SHCBP1L: variants seen among roughly 807,000 people sequenced by gnomAD.
SHCBP1L encodes SHC binding and spindle associated 1 like, also known as testicular spindle-associated protein SHCBP1L.
A neutral mutation model predicts 62.5 loss-of-function variants in SHCBP1L; 67 were observed. The observed-to-expected ratio is 1.07, with a 90% confidence interval of 0.88 to 1.31. SHCBP1L has a LOEUF of 1.31. Ranked by LOEUF, SHCBP1L falls within the 40% of genes most tolerant of loss-of-function variation. The pLI is 0.00. For synonymous variants in SHCBP1L, 284 were observed against 289.4 expected (o/e 0.98, Z 0.19); for missense variants, 823 against 809.8 (o/e 1.02, Z -0.20).
intron 2 of SHCBP1L, among the ~76,000 whole-genome samples, chr1:182,945,321 A>G (rs1385988303): frequency 6.6e-6 from 1 of 152,170 alleles, no homozygotes; most frequent in Non-Finnish European, 1.5e-5. Context: ...TTAAGTTGTA[A>G]AAATCTCCTT....
intron 6 of SHCBP1L, among the ~76,000 whole-genome samples, chr1:182,920,120 C>G (rs903589224): frequency 5.3e-5 from 8 of 152,226 alleles, no homozygotes; most frequent in Non-Finnish European, 1.0e-4. Flanking sequence ...TGCAGGAGCA[C>G]AGACCTGCTG....
chr1:182,934,596 G>T (rs1558000928), intron 5 of SHCBP1L, among the ~76,000 whole-genome samples: 1 of 152,032 alleles, frequency 6.6e-6, no homozygotes, highest in Non-Finnish European at 1.5e-5. Context: ...TATCAGATAT[G>T]CATTATGCAA....
Position 182,929,673 on chromosome 1 carries a change from C to T in SHCBP1L, c.1156G>A (p.Val386Ile). 6.3e-7 allele frequency: 1 copy of T among 1,575,674 alleles called. No homozygotes were observed. The highest frequency in any genetic ancestry group is 1.4e-5 in the African/African-American group (1 of 72,286). The change falls in exon 6 of 10, where the codon GTA becomes ATA. Residue 386 changes from valine to isoleucine, a missense_variant. Val to Ile is a conservative substitution (Grantham distance 29, BLOSUM62 3). Coordinates refer to ENST00000367547, the MANE Select transcript of SHCBP1L (RefSeq NM_030933.4). ...ATTTCAGTAGTCATCATTTTTGCTA[C>T]AATATGTGTTATAGTCTTTCCAAAT... ...REFGKTITHI[V>I]AKMMTTEMIK...
At position 182,939,311 on chromosome 1, in the gene SHCBP1L, C is replaced by A. The variant is rs200451412; in HGVS notation, c.941G>T (p.Arg314Leu). The A allele has an allele frequency of 6.2e-7, 1 of 1,613,772 alleles. No homozygotes were observed. Among genetic ancestry groups the A allele is most frequent in the African/African-American group, 1.3e-5 (1 of 74,896 alleles). The change falls in exon 5 of 10, where the codon CGT (arginine) becomes CTT (leucine). Residue 314 changes from arginine (R) to leucine (L), a missense_variant. Coordinates refer to ENST00000367547, the MANE Select transcript of SHCBP1L (RefSeq NM_030933.4). ...GCTCTGATACTCAATGAGCTCGACA[C>A]GTTTGTTTTTATATTTCTCCAAAGT... is the stretch of plus-strand genomic sequence containing the variant. ...KKTLEKYKNK[R>L]VELIEYQSNI...
In SHCBP1L at chr1:182,939,033, G is replaced by A. The variant is rs1651266857; in HGVS notation, c.1076+143C>T. On this transcript the variant is annotated intron_variant, in intron 5 of 9. Transcript: ENST00000367547. ...CTAATACAATTTTCTAATACTGATA[G>A]TTGTACCTTGTGCTTACCTCATAAA... The A allele has an allele frequency of 4.8e-6, 3 of 627,524 alleles. No individual in the cohort carries two copies. In the South Asian group the frequency reaches 6.8e-5, roughly 14 times the overall value. 38.9% of individuals were successfully genotyped at this position (627,524 alleles called of 1,614,324 possible).
rs199777775 is a variant in SHCBP1L, at chr1:182,904,266, A to G, written c.1501T>C (p.Cys501Arg). The G allele has an allele frequency of 1.2e-6, 2 of 1,614,114 alleles. No homozygotes were observed. The highest frequency in any genetic ancestry group is 1.7e-6 in the Non-Finnish European group (2 of 1,180,028). The stretch of plus-strand genomic sequence containing the variant: ...CCTGTTCCTTCACATTTTAATATGC[A>G]GTTTTCTAGAGTCATGTGACCAGAC... ...VESGHMTLENCILKCEGTGVC... is the reference protein window; with the variant it reads ...VESGHMTLENRILKCEGTGVC... Residue 501 changes from cysteine to arginine, a missense_variant, in exon 8 of 10, where the codon TGC becomes CGC. Transcript: ENST00000367547.
At chr1:182,923,082 C>T (rs1458283903) in intron 6 of SHCBP1L, among the ~76,000 whole-genome samples, 7 of 152,084 alleles carry the variant, frequency 4.6e-5, no homozygotes, top group Non-Finnish European at 7.4e-5. Context: ...CAAAAAAACC[C>T]TCAGAGGCTA....
intron 6 of SHCBP1L, among the ~76,000 whole-genome samples, chr1:182,924,085 C>T (rs1488501483): frequency 1.3e-5 from 2 of 152,094 alleles, no homozygotes. Context: ...TTTCTATACA[C>T]CAACAATGTC....
At chr1:182,948,794 A>T (rs75574827) in intron 2 of SHCBP1L, among the ~76,000 whole-genome samples, 12,323 of 152,224 alleles carry the variant, frequency 0.081, 1,345 homozygotes, top group African/African-American at 0.25. Flanking sequence ...ATTATATAGC[A>T]TTATTAATAC....
chr1:182,904,244 G>A lies in SHCBP1L; in HGVS notation c.1523C>T (p.Thr508Ile), dbSNP rs2101918565. 1 of 1,614,070 alleles carries A rather than the reference G, an allele frequency of 6.2e-7. No individual in the cohort carries two copies. Among genetic ancestry groups the A allele is most frequent in the Non-Finnish European group, 8.5e-7 (1 of 1,180,014 alleles). The change falls in exon 8 of 10, where the codon ACA becomes ATA. Residue 508 changes from threonine to isoleucine, a missense_variant. Thr to Ile is a moderately conservative substitution (Grantham distance 89). Coordinates refer to ENST00000367547, the MANE Select transcript of SHCBP1L (RefSeq NM_030933.4). Reference sequence around the variant, plus strand: ...AGCCCCTGTAAGAACACACACTCCTGTTCCTTCACATTTTAATATGCAGTT... The same window carrying A: ...AGCCCCTGTAAGAACACACACTCCTATTCCTTCACATTTTAATATGCAGTT... ...LENCILKCEG[T>I]GVCVLTGAAL...
chr1:182,923,874 A>G (rs1650593685), intron 6 of SHCBP1L, among the ~76,000 whole-genome samples: 1 of 152,212 alleles, frequency 6.6e-6, no homozygotes, highest in Admixed American at 6.5e-5. Context: ...CAGTACTGGA[A>G]GTCCTAGCCA....
At chr1:182,918,768 G>C (rs1304113850) in intron 6 of SHCBP1L, among the ~76,000 whole-genome samples, 1 of 152,054 alleles carries the variant, frequency 6.6e-6, no homozygotes, top group East Asian at 1.9e-4. Context: ...CAAAGCCACA[G>C]TAATAAAATA....
Position 182,940,354 on chromosome 1 carries a change from T to C in SHCBP1L, c.745A>G (p.Ile249Val). 6.2e-7 allele frequency: 1 copy of C among 1,613,814 alleles called. No homozygotes were observed. Among genetic ancestry groups the C allele is most frequent in the South Asian group, 1.1e-5 (1 of 91,046 alleles). Reference protein sequence around the residue: ...VEGQDTDIHVIALALEVVRFF... With the variant: ...VEGQDTDIHVVALALEVVRFF... ...CTGACAACTTCCAAGGCCAAAGCAA[T>C]AACATGTATATCAGTATCTTGTCCC... Residue 249 changes from isoleucine to valine, a missense_variant, in exon 3 of 10, where the codon ATT (isoleucine) becomes GTT (valine). Transcript: ENST00000367547.
At chr1:182,915,806 C>CTTTTTT (rs535677579) in intron 6 of SHCBP1L, among the ~76,000 whole-genome samples, 1 of 133,234 alleles carries the variant, frequency 7.5e-6, no homozygotes, top group East Asian at 2.2e-4. Context: ...ACAACGTATT[C>CTTTTTT]TTTTTTTTTT....
Position 182,925,146 on chromosome 1 carries a change from A to C in SHCBP1L, c.1182+4501T>G, listed in dbSNP as rs148141500. 2.6e-4 allele frequency among the ~76,000 whole-genome samples: 39 copies of C among 152,182 alleles called. No homozygotes were observed. In the East Asian group the frequency reaches 7.1e-3, roughly 28 times the overall value. On this transcript the variant is annotated intron_variant, in intron 6 of 9. Transcript: ENST00000367547. ...GGGGAGGAAGAGGGATCACATATGAAATAGTGAATAAGGTTAACAGCAATG... is the reference window on the plus strand; with the variant it reads ...GGGGAGGAAGAGGGATCACATATGACATAGTGAATAAGGTTAACAGCAATG...
At position 182,900,022 on chromosome 1, in the gene SHCBP1L, T is replaced by G. The variant is rs374261827; in HGVS notation, c.1923A>C (p.Glu641Asp). The G allele has an allele frequency of 6.2e-6, 10 of 1,612,632 alleles. No homozygotes were observed. Among genetic ancestry groups the G allele is most frequent in the Non-Finnish European group, 8.5e-6 (10 of 1,179,420 alleles). Residue 641 changes from glutamate (E) to aspartate (D), a missense_variant, in exon 10 of 10, where the codon GAA becomes GAC. Coordinates refer to ENST00000367547, the MANE Select transcript of SHCBP1L (RefSeq NM_030933.4). ...TTCTGATATCCCCCTTGACGTTTGC[T>G]TCTATCTTATTATTATTCATTTCCA... ...LNLEMNNNKI[E>D]ANVKGDIRIV...
At position 182,924,977 on chromosome 1, in the gene SHCBP1L, A is replaced by AGAAAG. The variant is rs1553245973; in HGVS notation, c.1182+4669_1182+4670insCTTTC. ...AAGAAAGAAAGAAAGAAAGAAAGAAAAAAAAAGGAAGAAGGAAAGGAAGGA... is the reference window on the plus strand; with the variant it reads ...AAGAAAGAAAGAAAGAAAGAAAGAAAGAAAGAAAAAAGGAAGAAGGAAAGGAAGGA... On this transcript the variant is annotated intron_variant, in intron 6 of 9. Coordinates refer to ENST00000367547, the MANE Select transcript of SHCBP1L (RefSeq NM_030933.4). Among the ~76,000 whole-genome samples, 172 of 140,574 alleles carry AGAAAG rather than the reference A, an allele frequency of 1.2e-3. 1 individual carries two copies. The highest frequency in any genetic ancestry group is 7.2e-3 in the Middle Eastern group (2 of 276). The allele number at this position is 140,574 out of a possible 152,430, so 92.2% of individuals were successfully genotyped here.
chr1:182,904,534 C>CGTGTGTGTGTGT (rs61031217), intron 7 of SHCBP1L, 104 bp from the exon 8 acceptor site: 42 of 599,794 alleles, frequency 7.0e-5, no homozygotes, highest in East Asian at 2.4e-4. Flanking sequence ...TCCCTGTGTG[C>CGTGTGTGTGTGT]GTGTGTGTGT....
rs1375665384 is a variant in SHCBP1L at position 182,953,094 on chromosome 1, A to T, written c.40T>A (p.Phe14Ile). ...GSKASVPADSFRTISPDRRGE... is the reference protein window; with the variant it reads ...GSKASVPADSIRTISPDRRGE... ...CGCCTGTCCGGGCTGATGGTGCGGA[A>T]TGAGTCCGCGGGCACCGAGGCCTTG... is the stretch of plus-strand genomic sequence containing the variant. Residue 14 changes from phenylalanine (F) to isoleucine (I), a missense_variant, in exon 1 of 10, where the codon TTC (phenylalanine) becomes ATC (isoleucine). Physicochemically the swap from Phe to Ile is conservative, Grantham distance 21. Coordinates refer to ENST00000367547, the MANE Select transcript of SHCBP1L (RefSeq NM_030933.4). The T allele has an allele frequency of 6.4e-7, 1 of 1,570,102 alleles. No homozygotes were observed. Among genetic ancestry groups the T allele is most frequent in the Non-Finnish European group, 8.6e-7 (1 of 1,165,794 alleles).
Sources: allele counts gnomAD v4.1 joint callset (sites outside exome capture counted in the v4.1 genomes callset), GRCh38; gene constraint gnomAD v4.1.1; transcripts MANE v1.5; gene names NCBI Gene and HGNC (gene_info 2026-07-23, HGNC 2026-07-21).